ANO7: variants seen among roughly 807,000 people sequenced by gnomAD.
ANO7 encodes the protein anoctamin 7.
Under a neutral mutation model 115.8 loss-of-function variants are expected in ANO7, and 114 were observed. The ratio of observed to expected loss-of-function variants is 0.98; its 90% confidence interval spans 0.85 to 1.15. The LOEUF (loss-of-function observed/expected upper bound fraction) is 1.15, where lower values mean the gene tolerates loss of function less well. Among genes scored for constraint, ANO7 ranks in the 50% most tolerant of loss-of-function variants. ANO7 has a pLI of 0.00. For missense variants in ANO7, 1,302 were observed against 1,201.2 expected (o/e 1.08, Z -1.24); for synonymous variants, 550 against 498.2 (o/e 1.10, Z -1.38).
Position 241,212,264 on chromosome 2 carries a change from T to C in ANO7, c.1673+59T>C, listed in dbSNP as rs1237446737. 3 of 1,477,704 alleles carry C rather than the reference T, an allele frequency of 2.0e-6. No homozygotes were observed. The African/African-American group carries it at 4.2e-5, about 21-fold the overall frequency. 91.5% of individuals were successfully genotyped at this position (1,477,704 alleles called of 1,614,324 possible). The stretch of plus-strand genomic sequence containing the variant: ...GTCCCGGCTTAGTTCTGCTCATGTT[T>C]CCCGCTGCCTGGGTACCAGGCGTCA... On this transcript the variant is annotated intron_variant, in intron 16 of 24. Coordinates refer to ENST00000674324, the MANE Select transcript of ANO7 (RefSeq NM_001370694.2).
chr2:241,203,575 G>C lies in ANO7; in HGVS notation c.889+77G>C. The C allele has an allele frequency of 1.7e-6, 2 of 1,155,040 alleles. No individual in the cohort carries two copies. Among genetic ancestry groups the C allele is most frequent in the South Asian group, 3.5e-5 (2 of 57,200 alleles). 71.5% of individuals were successfully genotyped at this position (1,155,040 alleles called of 1,614,324 possible). On this transcript the variant is annotated intron_variant, in intron 9 of 24. Transcript: ENST00000674324. This position sits in a 1 kb window ranked among gnomAD's most constrained non-coding sequence, Gnocchi z 4.8. ...TCAGGTTGTAACAATTTGCCAGTCC[G>C]TACCCCTGGAGGGCAGCGTGCGTGG...
chr2:241,192,678 G>T (rs2068233707), intron 3 of ANO7, among the ~76,000 whole-genome samples: 1 of 152,174 alleles, frequency 6.6e-6, no homozygotes, highest in Admixed American at 6.5e-5. Flanking sequence ...CCATCCACGT[G>T]TCCACCTACA....
At chr2:241,217,614 C>A (rs1429078235) in intron 19 of ANO7, 72 bp from the exon 20 acceptor site, 34 of 1,507,438 alleles carry the variant, frequency 2.3e-5, no homozygotes, top group Non-Finnish European at 2.9e-5. Flanking sequence ...GGCCGGTCCT[C>A]CGCGGGGGGC....
At chr2:241,229,640 C>G (rs1202139855), downstream of ANO7, 4 of 1,614,162 alleles carry the variant, frequency 2.5e-6, no homozygotes, top group Non-Finnish European at 3.4e-6. Flanking sequence ...TGGGAGCCAC[C>G]TGAGCCCCAA....
At chr2:241,209,943 T>G (rs928084988) in intron 13 of ANO7, among the ~76,000 whole-genome samples, 1 of 152,162 alleles carries the variant, frequency 6.6e-6, no homozygotes. Context: ...CACTGCACCC[T>G]GTCTTGCCTT....
At chr2:241,226,455 C>G (rs1049341019), downstream of ANO7, among the ~76,000 whole-genome samples, 3 of 151,104 alleles carry the variant, frequency 2.0e-5, no homozygotes, top group Non-Finnish European at 2.9e-5. Context: ...GATGGAGTCT[C>G]GCTCTGTCAC....
At chr2:241,222,591 G>GC (rs1553631545) in intron 21 of ANO7, among the ~76,000 whole-genome samples, 23 of 151,640 alleles carry the variant, frequency 1.5e-4, no homozygotes, top group African/African-American at 5.6e-4. Context: ...TTGGTTTTTT[G>GC]TTTTTTTTAT....
the ANO7 span, among the ~76,000 whole-genome samples, chr2:241,237,937 T>A: frequency 7.9e-5 from 12 of 152,256 alleles, no homozygotes; most frequent in Non-Finnish European, 4.4e-5. Context: ...GTGTGTGACA[T>A]GCTTCCTGGA....
intron 21 of ANO7, among the ~76,000 whole-genome samples, chr2:241,222,088 G>T (rs2069035160): frequency 6.6e-6 from 1 of 152,014 alleles, no homozygotes; most frequent in Admixed American, 6.6e-5. Context: ...CAAAAAATTA[G>T]CTGGGCATTG....
downstream of ANO7, chr2:241,227,590 G>GT (rs1390493698): frequency 1.3e-5 from 2 of 152,668 alleles, no homozygotes; most frequent in African/African-American, 4.8e-5. Flanking sequence ...AGAGAGCGCT[G>GT]AACAGTTTAG....
At chr2:241,221,402 A>G (rs1189048792) in intron 21 of ANO7, among the ~76,000 whole-genome samples, 1 of 145,870 alleles carries the variant, frequency 6.9e-6, no homozygotes, top group Non-Finnish European at 1.5e-5. Flanking sequence ...TCTTTGGGAC[A>G]GAGTCTTGCT....
At chr2:241,189,307 A>G (rs2068131890) in intron 1 of ANO7, among the ~76,000 whole-genome samples, 1 of 152,150 alleles carries the variant, frequency 6.6e-6, no homozygotes, top group Non-Finnish European at 1.5e-5. Flanking sequence ...AGTGAAGGGT[A>G]GAACTAGAAG....
At chr2:241,223,494 C>A in intron 22 of ANO7, 168 bp from the exon 23 acceptor site, 1 of 1,155,400 alleles carries the variant, frequency 8.7e-7, no homozygotes. Flanking sequence ...AGCCCCAGGG[C>A]CACGAAAGCT....
At position 241,224,137 on chromosome 2, in the gene ANO7, GC is replaced by G. The variant is rs1263604024; in HGVS notation, c.2626del (p.Gln876SerfsTer37). On this transcript the variant is annotated frameshift_variant, in exon 25 of 25. Transcript: ENST00000674324. LOFTEE classifies it high-confidence loss of function. ...ACACCCTTCACGGTTCCCAAGGCCA[GC>G]CAGCTGCAGCAGTGACGCCTGGAAG... is the stretch of plus-strand genomic sequence containing the variant. The part of the protein sequence containing the change: ...HWTPFTVPKA[S>X]QLQQ 1 of 1,599,656 alleles carries G rather than the reference GC, an allele frequency of 6.3e-7. No individual in the cohort carries two copies. The highest frequency in any genetic ancestry group is 1.3e-5 in the African/African-American group (1 of 74,776).
chr2:241,227,708 C>T (rs1360802622), downstream of ANO7: 1 of 152,546 alleles, frequency 6.6e-6, no homozygotes, highest in Non-Finnish European at 1.5e-5. Flanking sequence ...TTTTATGACA[C>T]TGTAGAAAAG....
At chr2:241,212,528 C>T (rs1368378772) in intron 16 of ANO7, 44 bp from the exon 17 acceptor site, 2 of 1,593,790 alleles carry the variant, frequency 1.3e-6, no homozygotes, top group Non-Finnish European at 1.7e-6. Flanking sequence ...TGGGAGGAGA[C>T]AGGAAGGATC....
chr2:241,229,729 C>A (rs768353963), downstream of ANO7: 15 of 1,611,494 alleles, frequency 9.3e-6, no homozygotes, highest in Middle Eastern at 1.6e-4. Flanking sequence ...GGATGCTCCC[C>A]AACTCGCAAG....
chr2:241,235,065 G>A, the ANO7 span: 4 of 1,586,432 alleles, frequency 2.5e-6, no homozygotes, highest in African/African-American at 5.4e-5. Context: ...ATTCTGACAT[G>A]TGCCCAAAGC....
chr2:241,233,667 C>T, the ANO7 span, among the ~76,000 whole-genome samples: 5 of 152,276 alleles, frequency 3.3e-5, no homozygotes, highest in African/African-American at 1.2e-4. The surrounding 1 kb of genome is among the most constrained non-coding windows in gnomAD (Gnocchi z 4.3). Context: ...GAGACACAGC[C>T]CAAACCTCAA....
Sources: gnomAD v4.1 joint callset for allele counts (sites outside exome capture counted in the v4.1 genomes callset) on GRCh38, gnomAD v4.1.1 for gene constraint, Gnocchi (gnomAD v3.1) non-coding constraint, MANE v1.5 for transcripts, NCBI Gene and HGNC (gene_info 2026-07-23, HGNC 2026-07-21) for gene names.